The following MMP3 variants were observed in gnomAD, a reference collection of about 807,000 sequenced individuals.
The protein encoded by MMP3 is matrix metallopeptidase 3.
MMP3 carries 46 observed loss-of-function variants against 47.3 expected under a neutral mutation model. The ratio of observed to expected loss-of-function variants is 0.97; its 90% CI spans 0.77 to 1.24. MMP3 has a LOEUF of 1.24. Ranked by LOEUF, MMP3 falls within the 50% of genes most tolerant of loss-of-function variation. The pLI, the probability that MMP3 is intolerant of heterozygous loss-of-function variation, is 0.00. For synonymous variants in MMP3, 216 were observed against 206.5 expected, an observed-to-expected ratio of 1.05 and a Z score of -0.39; for missense variants, 558 against 565.5, an observed-to-expected ratio of 0.99 and a Z score of 0.13.
chr11:102,837,358 G>T lies in MMP3; in HGVS notation c.1273C>A (p.Gln425Lys). 1 of 1,613,568 alleles carries T rather than the reference G, an allele frequency of 6.2e-7. No homozygotes were observed. Among genetic ancestry groups the T allele is most frequent in the East Asian group, 2.2e-5 (1 of 44,868 alleles). ...RNSMEPGFPKQIAEDFPGIDS... is the reference protein window; with the variant it reads ...RNSMEPGFPKKIAEDFPGIDS... Reference sequence around the variant, plus strand: ...ATCCCTGGAAAGTCTTCAGCTATTTGCTTGGGAAAGCCTGGCTCCATGGAA... The same window carrying T: ...ATCCCTGGAAAGTCTTCAGCTATTTTCTTGGGAAAGCCTGGCTCCATGGAA... The change falls in exon 9 of 10, where the codon CAA becomes AAA. Residue 425 changes from glutamine to lysine, a missense_variant. Gln to Lys is a moderately conservative substitution (Grantham distance 53, BLOSUM62 1). Transcript: ENST00000299855. The surrounding 1 kb of genome is among the most constrained non-coding windows in gnomAD (Gnocchi z 4.4).
Position 102,840,167 on chromosome 11 carries a change from A to G in MMP3, c.876T>C (p.Pro292=). The G allele has an allele frequency of 1.2e-6, 2 of 1,614,168 alleles. No homozygotes were observed. The highest frequency in any genetic ancestry group is 1.7e-6 in the Non-Finnish European group (2 of 1,180,008). The change falls in exon 6 of 10, where the codon CCT becomes CCC. Residue 292 remains proline (P), a synonymous_variant. Coordinates refer to ENST00000299855, the MANE Select transcript of MMP3 (RefSeq NM_002422.5). ...TGCTGACAGCATCAAAGGACAAAGC[A>G]GGATCACAGTTGGCTGGCGTCCCAG... ...PEPGTPANCD[P]ALSFDAVSTL... is the part of the protein sequence containing the mutation.
At position 102,837,943 on chromosome 11, in the gene MMP3, A is replaced by G. The variant is rs1858913688; in HGVS notation, c.1230-542T>C. ...TCAAAGTCTGGCCAAATGACCCAGG[A>G]ATCAACCTGTCTGTGAGTGTTGGGT... On this transcript the variant is annotated intron_variant, in intron 8 of 9. Transcript: ENST00000299855. This position sits in a 1 kb window ranked among gnomAD's most constrained non-coding sequence, Gnocchi z 4.4. Among the ~76,000 whole-genome samples, 2 of 152,182 alleles carry G rather than the reference A, an allele frequency of 1.3e-5. No homozygotes were observed. Among genetic ancestry groups the G allele is most frequent in the South Asian group, 4.1e-4 (2 of 4,834 alleles).
chr11:102,842,760 G>T lies in MMP3; in HGVS notation c.262C>A (p.Arg88Ser), dbSNP rs377547395. The stretch of plus-strand genomic sequence containing the variant: ...TCAGGAACTCCACACCTGGGCTTGC[G>T]CATCACCTCCAGAGTGTCGGAGTCC... ...KLDSDTLEVM[R>S]KPRCGVPDVG... The change falls in exon 2 of 10, where the codon CGC becomes AGC. Residue 88 changes from arginine (R) to serine (S), a missense_variant. Transcript: ENST00000299855. The T allele has an allele frequency of 2.5e-6, 4 of 1,613,886 alleles. No homozygotes were observed. The highest frequency in any genetic ancestry group is 2.2e-5 in the East Asian group (1 of 44,876).
rs76822087 is a variant in MMP3, at chr11:102,836,595, G to C, written c.1334-369C>G. ...TTCCGATCAGATAAATTCTCCACTT[G>C]CTTGGAAACTCTCATCACCTATTTC... On this transcript the variant is annotated intron_variant, in intron 9 of 9. Transcript: ENST00000299855. The surrounding 1 kb of genome is among the most constrained non-coding windows in gnomAD (Gnocchi z 4.6). The C allele has an allele frequency of 2.1e-6, 1 of 478,780 alleles. No homozygotes were observed. Among genetic ancestry groups the C allele is most frequent in the East Asian group, 6.7e-5 (1 of 14,926 alleles). The allele number at this position is 478,780 out of a possible 1,614,324, so 29.7% of individuals were successfully genotyped here. A position where few individuals can be genotyped will look rare whatever the true frequency, so the allele number is the denominator to read the frequency against.
Position 102,843,598 on chromosome 11 carries a change from C to T in MMP3, c.-52G>A, listed in dbSNP as rs1359848254. The T allele has an allele frequency of 1.4e-6, 2 of 1,473,568 alleles. No homozygotes were observed. The highest frequency in any genetic ancestry group is 1.9e-6 in the Non-Finnish European group (2 of 1,064,340). The allele number at this position is 1,473,568 out of a possible 1,614,324, so 91.3% of individuals were successfully genotyped here. On this transcript the variant is annotated 5_prime_UTR_variant, in exon 1 of 10. Transcript: ENST00000299855. ...TTGTCTCTATGCCTTGCTGTCTTGC[C>T]TGCCTCCTTGTAGGTCCAACCTCGG...
chr11:102,843,480 C>T lies in MMP3; in HGVS notation c.67G>A (p.Ala23Thr), dbSNP rs142481975. ...AVCSAYPLDG[A>T]ARGEDTSMNL... is the part of the protein sequence containing the mutation. ...ATGCTGGTGTCCTCACCCCTTGCAGCTCCATCCAATGGATAGGCTGAGCAA... is the reference window on the plus strand; with the variant it reads ...ATGCTGGTGTCCTCACCCCTTGCAGTTCCATCCAATGGATAGGCTGAGCAA... The change falls in exon 1 of 10, where the codon GCT (alanine) becomes ACT (threonine). Residue 23 changes from alanine to threonine, a missense_variant. Physicochemically the swap from Ala to Thr is moderately conservative, Grantham distance 58. Coordinates refer to ENST00000299855, the MANE Select transcript of MMP3 (RefSeq NM_002422.5). The T allele has an allele frequency of 6.2e-7, 1 of 1,613,766 alleles. No homozygotes were observed. Among genetic ancestry groups the T allele is most frequent in the Admixed American group, 1.7e-5 (1 of 59,954 alleles).
At position 102,842,749 on chromosome 11, in the gene MMP3, C is replaced by T; in HGVS notation, c.273G>A (p.Arg91=). The change falls in exon 2 of 10, where the codon AGG becomes AGA. Residue 91 remains arginine, a synonymous_variant. Transcript: ENST00000299855. The part of the protein sequence containing the change: ...SDTLEVMRKP[R]CGVPDVGHFR... ...AGTGACCAACATCAGGAACTCCACA[C>T]CTGGGCTTGCGCATCACCTCCAGAG... is the stretch of plus-strand genomic sequence containing the variant. 1.2e-6 allele frequency: 2 copies of T among 1,613,972 alleles called. No homozygotes were observed. Among genetic ancestry groups the T allele is most frequent in the Non-Finnish European group, 1.7e-6 (2 of 1,179,970 alleles).
At chr11:102,838,058 T>C (rs1858916369) in intron 8 of MMP3, among the ~76,000 whole-genome samples, 3 of 152,134 alleles carry the variant, frequency 2.0e-5, no homozygotes. Context: ...AGGTTAGAGG[T>C]AGCCCTTGAA....
chr11:102,842,807 C>G lies in MMP3; in HGVS notation c.215G>C (p.Gly72Ala). The change falls in exon 2 of 10, where the codon GGA becomes GCA. Residue 72 changes from glycine (G) to alanine (A), a missense_variant. Gly to Ala is a moderately conservative substitution (Grantham distance 60). Transcript: ENST00000299855. ...KKIREMQKFL[G>A]LEVTGKLDSD... is the part of the protein sequence containing the mutation. ...GTCCAGCTTCCCCGTCACCTCCAAT[C>G]CAAGGAACTTCTGCATTTCTCGGAT... The G allele has an allele frequency of 1.2e-6, 2 of 1,613,922 alleles. No individual in the cohort carries two copies. The highest frequency in any genetic ancestry group is 1.7e-6 in the Non-Finnish European group (2 of 1,179,942).
Position 102,835,877 on chromosome 11 carries a change from AG to A in MMP3, c.*248del, listed in dbSNP as rs1858870722. 1.1e-5 allele frequency: 5 copies of A among 439,480 alleles called. No homozygotes were observed. Among genetic ancestry groups the A allele is most frequent in the Admixed American group, 1.1e-4 (3 of 27,386 alleles). The allele number at this position is 439,480 out of a possible 1,614,324, so 27.2% of individuals were successfully genotyped here. On this transcript the variant is annotated 3_prime_UTR_variant, in exon 10 of 10. Transcript: ENST00000299855. Reference sequence around the variant, plus strand: ...TACAGTCACTTGTCTGTTGCACACGAGTGCTTCCCCTTCTCTTGGGAAAGAT... The same window carrying A: ...TACAGTCACTTGTCTGTTGCACACGATGCTTCCCCTTCTCTTGGGAAAGAT...
In MMP3 at chr11:102,839,199, T is replaced by C. The variant is rs368598390; in HGVS notation, c.980A>G (p.His327Arg). 9.3e-6 allele frequency: 15 copies of C among 1,614,012 alleles called. No homozygotes were observed. The African/African-American group carries it at 1.2e-4, about 13-fold the overall frequency. Reference protein sequence around the residue: ...KSLRKLEPELHLISSFWPSLP... With the variant: ...KSLRKLEPELRLISSFWPSLP... ...AGATGGCCAAAATGAAGAGATCAAA[T>C]GCAATTCAGGTTCAAGCTTCCTGAG... is the stretch of plus-strand genomic sequence containing the variant. The change falls in exon 7 of 10, where the codon CAT (histidine) becomes CGT (arginine). Residue 327 changes from histidine to arginine, a missense_variant. Transcript: ENST00000299855.
chr11:102,839,223 A>T lies in MMP3; in HGVS notation c.956T>A (p.Leu319His), dbSNP rs782666264. ...FKDRHFWRKS[L>H]RKLEPELHLI... ...ATGCAATTCAGGTTCAAGCTTCCTGAGGGATTTGCGCCAAAAGTGCCTAAA... is the reference window on the plus strand; with the variant it reads ...ATGCAATTCAGGTTCAAGCTTCCTGTGGGATTTGCGCCAAAAGTGCCTAAA... Residue 319 changes from leucine (L) to histidine (H), a missense_variant, in exon 7 of 10, where the codon CTC becomes CAC. Coordinates refer to ENST00000299855, the MANE Select transcript of MMP3 (RefSeq NM_002422.5). 2.7e-5 allele frequency: 43 copies of T among 1,613,830 alleles called. 2 individuals are homozygous for T. The South Asian group carries it at 3.6e-4, about 14-fold the overall frequency.
chr11:102,842,404 C>CTTTTGTTTT, intron 3 of MMP3, 27 bp downstream of exon 3: 2 of 810,714 alleles, frequency 2.5e-6, no homozygotes, highest in South Asian at 2.8e-5. Flanking sequence ...TTTTGTTTTG[C>CTTTTGTTTT]TTTTTTTTTT....
chr11:102,842,391 TTG>T, intron 3 of MMP3, 38 bp downstream of exon 3: 1 of 1,069,810 alleles, frequency 9.3e-7, no homozygotes, highest in Non-Finnish European at 1.2e-6. Flanking sequence ...GTTTTTTGTT[TTG>T]TTTTGTTTTG....
chr11:102,843,020 T>C (rs1174749640), intron 1 of MMP3, 104 bp from the exon 2 acceptor site: 1 of 1,045,968 alleles, frequency 9.6e-7, no homozygotes, highest in African/African-American at 1.6e-5. Flanking sequence ...CTATTTGGAG[T>C]ATTTCTCTAG....
rs531648882 is a variant in MMP3, at chr11:102,836,872, G to A, written c.1333+426C>T. 1 of 209,128 alleles carries A rather than the reference G, an allele frequency of 4.8e-6. No individual in the cohort carries two copies. The highest frequency in any genetic ancestry group is 8.0e-5 in the South Asian group (1 of 12,438). The allele number at this position is 209,128 out of a possible 1,614,324, so 13.0% of individuals were successfully genotyped here. On this transcript the variant is annotated intron_variant, in intron 9 of 9. Coordinates refer to ENST00000299855, the MANE Select transcript of MMP3 (RefSeq NM_002422.5). This position sits in a 1 kb window ranked among gnomAD's most constrained non-coding sequence, Gnocchi z 4.6. ...GCATGGGCAATGACTGACAACTCAG[G>A]AAAGACAGACAAAAAATCTCCCTGG...
In MMP3 at chr11:102,842,707, G is replaced by A. The variant is rs958396119; in HGVS notation, c.315C>T (p.Gly105=). The stretch of plus-strand genomic sequence containing the variant: ...GGTGGGTTTTCCTCCACTTCGGGAT[G>A]CCAGGAAAGGTTCTGAAGTGACCAA... ...PDVGHFRTFP[G]IPKWRKTHLT... Residue 105 remains glycine, a synonymous_variant, in exon 2 of 10, where the codon GGC becomes GGT. Transcript: ENST00000299855. The A allele has an allele frequency of 2.5e-6, 4 of 1,613,978 alleles. No individual in the cohort carries two copies. In the South Asian group the frequency reaches 3.3e-5, roughly 13 times the overall value.
chr11:102,842,195 G>T lies in MMP3; in HGVS notation c.584C>A (p.Ala195Asp), dbSNP rs782028810. 1.2e-6 allele frequency: 2 copies of T among 1,611,768 alleles called. No homozygotes were observed. The highest frequency in any genetic ancestry group is 8.5e-7 in the Non-Finnish European group (1 of 1,178,842). ...CCATTGTTCATCATCATCAAAGTGG[G>T]CATCTCCATTAATCCCTGGCCCAGG... is the stretch of plus-strand genomic sequence containing the variant. ...YAPGPGINGD[A>D]HFDDDEQWTK... The change falls in exon 4 of 10, where the codon GCC becomes GAC. Residue 195 changes from alanine (A) to aspartate (D), a missense_variant. Transcript: ENST00000299855.
chr11:102,836,088 A>C lies in MMP3; in HGVS notation c.*38T>G, dbSNP rs1555004504. The C allele has an allele frequency of 7.0e-6, 10 of 1,432,586 alleles. No homozygotes were observed. Among genetic ancestry groups the C allele is most frequent in the Non-Finnish European group, 9.8e-6 (10 of 1,018,956 alleles). The allele number at this position is 1,432,586 out of a possible 1,614,324, so 88.7% of individuals were successfully genotyped here. ...ACTTAGGTGAAGAATTATTAGCTTC[A>C]TTTAAAGTGCCCATATTGTGCCTTC... is the stretch of plus-strand genomic sequence containing the variant. On this transcript the variant is annotated 3_prime_UTR_variant, in exon 10 of 10. Coordinates refer to ENST00000299855, the MANE Select transcript of MMP3 (RefSeq NM_002422.5). The surrounding 1 kb of genome is among the most constrained non-coding windows in gnomAD (Gnocchi z 4.6).
Sources: gnomAD v4.1 joint callset for allele counts (sites outside exome capture counted in the v4.1 genomes callset) on GRCh38, gnomAD v4.1.1 for gene constraint, Gnocchi (gnomAD v3.1) non-coding constraint, MANE v1.5 for transcripts, NCBI Gene and HGNC (gene_info 2026-07-23, HGNC 2026-07-21) for gene names.